Variants in COL4A2 observed in about 807,000 individuals in gnomAD.
The protein encoded by COL4A2 is collagen type IV alpha 2 chain, also known as collagen alpha-2(IV) chain.
Under a neutral mutation model 200.2 loss-of-function variants are expected in COL4A2, and 99 were observed. The ratio of observed to expected loss-of-function variants is 0.49; its 90% CI spans 0.42 to 0.58. The LOEUF is 0.58. COL4A2 is among the 20% of genes least tolerant of loss of function. The pLI, the probability that COL4A2 is intolerant of heterozygous loss-of-function variation, is 0.00. For missense variants in COL4A2, 1,950 were observed against 2,314.1 expected (o/e 0.84, Z 3.23); for synonymous variants, 897 against 900.6 (o/e 1.00, Z 0.07).
In COL4A2 at chr13:110,399,205, G is replaced by A. The variant is rs995500704; in HGVS notation, c.181-25529G>A. On this transcript the variant is annotated intron_variant, in intron 4 of 47. Transcript: ENST00000360467. ...CACTAGCTACTTAACTCACACATCCGCACAGGAGCCCAAGGTTAAACCACT... is the reference window on the plus strand; with the variant it reads ...CACTAGCTACTTAACTCACACATCCACACAGGAGCCCAAGGTTAAACCACT... Among the ~76,000 whole-genome samples the A allele has an allele frequency of 4.6e-5, 7 of 152,136 alleles. 1 individual carries two copies. Among genetic ancestry groups the A allele is most frequent in the Non-Finnish European group, 2.9e-5 (2 of 68,026 alleles).
chr13:110,479,199 C>T (rs1176014114), intron 30 of COL4A2, among the ~76,000 whole-genome samples: 1 of 151,892 alleles, frequency 6.6e-6, no homozygotes, highest in South Asian at 2.1e-4. Flanking sequence ...TCGTGTGGTG[C>T]TTACGAGACC....
chr13:110,307,633 G>C lies in COL4A2; in HGVS notation c.-45+105G>C. The stretch of plus-strand genomic sequence containing the variant: ...ACGCTCTCCTGCTTGGGAGTAGAAA[G>C]GGGGAGGGTGGGAGAGCGAAGACCG... On this transcript the variant is annotated intron_variant, in intron 1 of 47. Coordinates refer to ENST00000360467, the MANE Select transcript of COL4A2 (RefSeq NM_001846.4). This position sits in a 1 kb window ranked among gnomAD's most constrained non-coding sequence, Gnocchi z 5.0. The C allele has an allele frequency of 1.8e-6, 1 of 551,994 alleles. No individual in the cohort carries two copies. Among genetic ancestry groups the C allele is most frequent in the Non-Finnish European group, 3.2e-6 (1 of 313,856 alleles). The allele number at this position is 551,994 out of a possible 1,614,324, so 34.2% of individuals were successfully genotyped here.
chr13:110,461,938 C>A, intron 22 of COL4A2, 176 bp from the exon 23 acceptor site: 1 of 891,926 alleles, frequency 1.1e-6, no homozygotes, highest in Non-Finnish European at 1.7e-6. Flanking sequence ...TGGCCCCACA[C>A]TGGACAGCTG....
chr13:110,424,358 C>T, intron 4 of COL4A2, among the ~76,000 whole-genome samples: 1 of 149,130 alleles, frequency 6.7e-6, no homozygotes, highest in Non-Finnish European at 1.5e-5. Flanking sequence ...TCCACAGTTA[C>T]TGGATGCATT....
intron 3 of COL4A2, among the ~76,000 whole-genome samples, chr13:110,349,915 C>T (rs370885589): frequency 1.4e-3 from 210 of 152,216 alleles, no homozygotes; most frequent in African/African-American, 4.9e-3. Context: ...AAGCGTGAGC[C>T]ACCATGTCCA....
Position 110,429,893 on chromosome 13 carries a change from A to G in COL4A2, c.486A>G (p.Gln162=). The part of the protein sequence containing the change: ...SEGFTGPPGP[Q]GPKGQKGEPY... ...ATATATCTGCTAATTAGGGGCCCCA[A>G]GGACCAAAAGGGCAGAAAGGTGAGC... Residue 162 remains glutamine, a synonymous_variant, in exon 8 of 48, where the codon CAA becomes CAG. Coordinates refer to ENST00000360467, the MANE Select transcript of COL4A2 (RefSeq NM_001846.4). The G allele has an allele frequency of 6.2e-7, 1 of 1,613,154 alleles. No homozygotes were observed. The highest frequency in any genetic ancestry group is 8.5e-7 in the Non-Finnish European group (1 of 1,179,656).
chr13:110,495,519 C>T (rs778258628), intron 40 of COL4A2, 52 bp downstream of exon 40: 21 of 1,586,430 alleles, frequency 1.3e-5, no homozygotes, highest in Non-Finnish European at 1.5e-5. Flanking sequence ...CCAGAACCCA[C>T]CCAGAGGTGG....
rs1031293852 is a variant in COL4A2 at position 110,351,202 on chromosome 13, C to A, written c.100-6270C>A. On this transcript the variant is annotated intron_variant, in intron 3 of 47. Coordinates refer to ENST00000360467, the MANE Select transcript of COL4A2 (RefSeq NM_001846.4). Reference sequence around the variant, plus strand: ...CAGCTGGGACCACAGGCGTGCACCACCACACCCAGCTATTCTTTTTGTTTG... The same window carrying A: ...CAGCTGGGACCACAGGCGTGCACCAACACACCCAGCTATTCTTTTTGTTTG... Among the ~76,000 whole-genome samples the A allele has an allele frequency of 8.8e-5, 13 of 148,024 alleles. No individual in the cohort carries two copies. The Admixed American group carries it at 8.8e-4, about 10-fold the overall frequency.
At position 110,380,784 on chromosome 13, in the gene COL4A2, C is replaced by T. The variant is rs112279015; in HGVS notation, c.180+23232C>T. On this transcript the variant is annotated intron_variant, in intron 4 of 47. Coordinates refer to ENST00000360467, the MANE Select transcript of COL4A2 (RefSeq NM_001846.4). ...ACCCATGGGCTCTGTGTCACACCCA[C>T]GGGCTCTATGTCACACCCATGGGCT... 3.6e-3 allele frequency among the ~76,000 whole-genome samples: 545 copies of T among 149,660 alleles called. 6 individuals are homozygous for T. The highest frequency in any genetic ancestry group is 0.012 in the African/African-American group (506 of 40,624).
intron 39 of COL4A2, 145 bp downstream of exon 39, chr13:110,493,427 A>T: frequency 8.9e-6 from 7 of 787,810 alleles, no homozygotes; most frequent in Non-Finnish European, 1.4e-5. Context: ...ATCGGCCGTG[A>T]GGGGCGGGTC....
intron 4 of COL4A2, among the ~76,000 whole-genome samples, chr13:110,389,323 G>A (rs1478008590): frequency 6.6e-6 from 1 of 152,168 alleles, no homozygotes; most frequent in South Asian, 2.1e-4. Context: ...CTATAAAGTA[G>A]TGCATCATGT....
At chr13:110,321,983 A>G (rs72655752) in intron 3 of COL4A2, among the ~76,000 whole-genome samples, 9,013 of 152,306 alleles carry the variant, frequency 0.059, 315 homozygotes, top group Middle Eastern at 0.099. Flanking sequence ...GCCAAACCAT[A>G]TCAGTCCTGA....
intron 4 of COL4A2, among the ~76,000 whole-genome samples, chr13:110,422,284 G>A (rs141557759): frequency 8.1e-4 from 123 of 152,252 alleles, no homozygotes; most frequent in East Asian, 4.6e-3. Flanking sequence ...CACAAAAGTC[G>A]GAATCAAAAC....
intron 3 of COL4A2, among the ~76,000 whole-genome samples, chr13:110,312,306 G>A (rs548564376): frequency 2.0e-5 from 3 of 152,168 alleles, no homozygotes; most frequent in Non-Finnish European, 4.4e-5. Flanking sequence ...ACCGAAAAGC[G>A]CAGGAGAGGA....
At position 110,491,596 on chromosome 13, in the gene COL4A2, C is replaced by G. The variant is rs532326438; in HGVS notation, c.3454+256C>G. ...TGCCTCTTCGGTTGAGCCTCTGTCT[C>G]TCATATAGAAGCCGACGGTTTGTAA... On this transcript the variant is annotated intron_variant, in intron 37 of 47. Transcript: ENST00000360467. 3.3e-5 allele frequency among the ~76,000 whole-genome samples: 5 copies of G among 152,302 alleles called. No individual in the cohort carries two copies. The South Asian group carries it at 1.0e-3, about 32-fold the overall frequency.
At chr13:110,465,177 A>C (rs374381066) in intron 24 of COL4A2, among the ~76,000 whole-genome samples, 1 of 152,164 alleles carries the variant, frequency 6.6e-6, no homozygotes, top group East Asian at 1.9e-4. Context: ...AAGCATGTAC[A>C]TGTGCCTTCC....
At position 110,506,302 on chromosome 13, in the gene COL4A2, G is replaced by A. The variant is rs552849321; in HGVS notation, c.4403-113G>A. The A allele has an allele frequency of 5.6e-5, 60 of 1,066,150 alleles. No homozygotes were observed. In the East Asian group the frequency reaches 8.9e-4, roughly 16 times the overall value. 66.0% of individuals were successfully genotyped at this position (1,066,150 alleles called of 1,614,324 possible). Reference sequence around the variant, plus strand: ...TCTCGGGCTGCAGGTGCACCAGGCCGTCCACTCTCTCTCTCTCTCTCAGGC... The same window carrying A: ...TCTCGGGCTGCAGGTGCACCAGGCCATCCACTCTCTCTCTCTCTCTCAGGC... On this transcript the variant is annotated intron_variant, in intron 45 of 47. Coordinates refer to ENST00000360467, the MANE Select transcript of COL4A2 (RefSeq NM_001846.4).
chr13:110,466,226 C>T (rs1882235059), intron 26 of COL4A2, among the ~76,000 whole-genome samples, 164 bp downstream of exon 26: 1 of 152,322 alleles, frequency 6.6e-6, no homozygotes, highest in South Asian at 2.1e-4. Context: ...CTATACATTG[C>T]ATGAATGACA....
At chr13:110,311,712 G>A (rs1360790270) in intron 3 of COL4A2, among the ~76,000 whole-genome samples, 1 of 152,192 alleles carries the variant, frequency 6.6e-6, no homozygotes, top group Admixed American at 6.5e-5. Flanking sequence ...TAGCCGCTCT[G>A]AGCATTGTCA....
Sources: allele counts gnomAD v4.1 joint callset (sites outside exome capture counted in the v4.1 genomes callset), GRCh38; gene constraint gnomAD v4.1.1; non-coding constraint Gnocchi (gnomAD v3.1); transcripts MANE v1.5; gene names NCBI Gene and HGNC (gene_info 2026-07-23, HGNC 2026-07-21).